Variants in TMEM132E observed in about 807,000 individuals in gnomAD.
TMEM132E encodes transmembrane protein 132E.
In TMEM132E, 49 loss-of-function variants were observed where a neutral mutation model predicts 78.5. That is an observed-to-expected ratio of 0.62 (90% confidence interval 0.50 to 0.79). The LOEUF (loss-of-function observed/expected upper bound fraction) is 0.79, where lower values mean the gene tolerates loss of function less well. Among genes scored for constraint, TMEM132E ranks in the 30% least tolerant of loss-of-function variants. The pLI is 0.00. For synonymous variants in TMEM132E, 715 were observed against 670.6 expected (o/e 1.07, Z -1.02); for missense variants, 1,403 against 1,470.9 (o/e 0.95, Z 0.75).
At chr17:34,585,619 A>G (rs988043423) in intron 1 of TMEM132E, among the ~76,000 whole-genome samples, 9 of 144,262 alleles carry the variant, frequency 6.2e-5, no homozygotes, top group African/African-American at 2.0e-4. Flanking sequence ...CAGAGCCCAA[A>G]TGGGGCTGTC....
At chr17:34,629,915 G>GA in intron 4 of TMEM132E, 93 bp from the exon 5 acceptor site, 1 of 1,226,720 alleles carries the variant, frequency 8.2e-7, no homozygotes, top group Non-Finnish European at 1.0e-6. Context: ...TCTGAGGAGT[G>GA]GGGGGGGAGC....
intron 2 of TMEM132E, among the ~76,000 whole-genome samples, chr17:34,627,936 A>G (rs765582410): frequency 6.6e-6 from 1 of 152,248 alleles, no homozygotes; most frequent in Non-Finnish European, 1.5e-5. Flanking sequence ...TTGCAGAATT[A>G]GAGAGGTGGC....
At chr17:34,635,960 G>T (rs531723087) in intron 7 of TMEM132E, 47 bp from the exon 8 acceptor site, 22 of 1,339,612 alleles carry the variant, frequency 1.6e-5, no homozygotes, top group Non-Finnish European at 1.9e-5. Flanking sequence ...TGGGCAGGGG[G>T]GTGTGCTTTC....
intron 1 of TMEM132E, among the ~76,000 whole-genome samples, chr17:34,585,741 A>G (rs960069275): frequency 6.6e-6 from 1 of 152,210 alleles, no homozygotes; most frequent in African/African-American, 2.4e-5. Flanking sequence ...AGCAGTCATG[A>G]TAATCAATTA....
At chr17:34,624,450 A>T (rs1327099361) in intron 1 of TMEM132E, among the ~76,000 whole-genome samples, 1 of 152,212 alleles carries the variant, frequency 6.6e-6, no homozygotes, top group African/African-American at 2.4e-5. Context: ...CCTTCAGAGA[A>T]GGACAAAGCT....
At chr17:34,601,572 G>T (rs190481634) in intron 1 of TMEM132E, among the ~76,000 whole-genome samples, 32 of 152,344 alleles carry the variant, frequency 2.1e-4, no homozygotes, top group Non-Finnish European at 3.8e-4. Flanking sequence ...GTGGGAGGGG[G>T]CTGTCCCTGA....
intron 1 of TMEM132E, among the ~76,000 whole-genome samples, chr17:34,591,108 C>T (rs767133227): frequency 1.3e-5 from 2 of 152,090 alleles, no homozygotes; most frequent in East Asian, 3.9e-4. Flanking sequence ...GGTGAGGAGC[C>T]CACAGCACGA....
rs568739436 is a variant in TMEM132E at position 34,630,867 on chromosome 17, A to G, written c.1482+716A>G. 2.0e-5 allele frequency among the ~76,000 whole-genome samples: 3 copies of G among 152,176 alleles called. No homozygotes were observed. In the South Asian group the frequency reaches 6.2e-4, roughly 32 times the overall value. On this transcript the variant is annotated intron_variant, in intron 5 of 8. Coordinates refer to ENST00000631683, the MANE Select transcript of TMEM132E (RefSeq NM_001304438.2). ...GCCCACATGACACTCATCTGACTCA[A>G]TGACCCAGTTTGCCACCTCCCCAAG... is the stretch of plus-strand genomic sequence containing the variant.
In TMEM132E at chr17:34,626,259, C is replaced by T. The variant is rs767556248; in HGVS notation, c.200C>T (p.Ala67Val). The T allele has an allele frequency of 1.2e-6, 2 of 1,602,984 alleles. No individual in the cohort carries two copies. Among genetic ancestry groups the T allele is most frequent in the Admixed American group, 3.4e-5 (2 of 58,814 alleles). ...FLREARPPSP[A>V]VANSSLQRSE... ...CGGGAGGCGCGGCCCCCGTCACCCG[C>T]GGTCGCCAACAGCTCTCTGCAGCGC... Residue 67 changes from alanine (A) to valine (V), a missense_variant, in exon 2 of 9, where the codon GCG becomes GTG. By Grantham distance (64) the Ala-to-Val change is moderately conservative (BLOSUM62 0). Transcript: ENST00000631683.
chr17:34,595,700 G>A (rs568926257), intron 1 of TMEM132E, among the ~76,000 whole-genome samples: 16 of 152,288 alleles, frequency 1.1e-4, no homozygotes, highest in Admixed American at 2.0e-4. Context: ...GTTAAGACCC[G>A]TGTGCCTGAC....
rs773733382 is a variant in TMEM132E, at chr17:34,630,014, G to C, written c.1345G>C (p.Glu449Gln). The C allele has an allele frequency of 3.1e-6, 5 of 1,608,866 alleles. No individual in the cohort carries two copies. In the South Asian group the frequency reaches 5.5e-5, roughly 18 times the overall value. Reference protein sequence around the residue: ...QAILPLAMDTEIINTAILTGR... With the variant: ...QAILPLAMDTQIINTAILTGR... ...CCCCTTCTCCTCCCTGCAGGACACA[G>C]AGATCATCAACACGGCCATTCTGAC... The change falls in exon 5 of 9, where the codon GAG becomes CAG. Residue 449 changes from glutamate to glutamine, a missense_variant. Glu to Gln is a conservative substitution (Grantham distance 29, BLOSUM62 2). Coordinates refer to ENST00000631683, the MANE Select transcript of TMEM132E (RefSeq NM_001304438.2).
At chr17:34,611,780 T>G (rs1189078018) in intron 1 of TMEM132E, among the ~76,000 whole-genome samples, 1 of 152,116 alleles carries the variant, frequency 6.6e-6, no homozygotes, top group African/African-American at 2.4e-5. Flanking sequence ...AAAGACTAAG[T>G]GTCTTGAATT....
At chr17:34,624,809 A>G (rs1189543427) in intron 1 of TMEM132E, among the ~76,000 whole-genome samples, 1 of 152,164 alleles carries the variant, frequency 6.6e-6, no homozygotes, top group Non-Finnish European at 1.5e-5. Flanking sequence ...TGATATACAC[A>G]CATTTGCATT....
At chr17:34,619,306 T>C (rs1483022079) in intron 1 of TMEM132E, among the ~76,000 whole-genome samples, 1 of 151,770 alleles carries the variant, frequency 6.6e-6, no homozygotes, top group Non-Finnish European at 1.5e-5. Flanking sequence ...GCCAACGTTA[T>C]GCTGCGCAAG....
chr17:34,620,910 G>C (rs1906939790), intron 1 of TMEM132E, among the ~76,000 whole-genome samples: 1 of 152,200 alleles, frequency 6.6e-6, no homozygotes, highest in South Asian at 2.1e-4. Flanking sequence ...TGCAGAGCTG[G>C]TGAAGCCACT....
chr17:34,608,058 G>C (rs1906472720), intron 1 of TMEM132E, among the ~76,000 whole-genome samples: 1 of 152,174 alleles, frequency 6.6e-6, no homozygotes, highest in Non-Finnish European at 1.5e-5. Context: ...TCAGGGAGTG[G>C]GGCTGAAGGT....
At chr17:34,610,747 C>T (rs113112518) in intron 1 of TMEM132E, among the ~76,000 whole-genome samples, 32 of 152,260 alleles carry the variant, frequency 2.1e-4, no homozygotes, top group African/African-American at 6.7e-4. Context: ...GAACAGGGAG[C>T]GGGAGCATAC....
At chr17:34,635,776 C>T (rs1340292816) in intron 7 of TMEM132E, 3 of 394,790 alleles carry the variant, frequency 7.6e-6, no homozygotes, top group Non-Finnish European at 1.3e-5. Flanking sequence ...TGGCCCACCT[C>T]TCTCATTTGT....
chr17:34,630,161 C>A lies in TMEM132E; in HGVS notation c.1482+10C>A. 4.4e-6 allele frequency: 7 copies of A among 1,605,782 alleles called. No homozygotes were observed. The highest frequency in any genetic ancestry group is 6.0e-6 in the Non-Finnish European group (7 of 1,173,384). On this transcript the variant is annotated intron_variant, in intron 5 of 8. Transcript: ENST00000631683. The stretch of plus-strand genomic sequence containing the variant: ...TGAAGACATCATCAAGGTGGGCATC[C>A]TGGAGGTGGGGCCCCTGGGGAAGAA...
Sources: gnomAD v4.1 joint callset for allele counts (sites outside exome capture counted in the v4.1 genomes callset) on GRCh38, gnomAD v4.1.1 for gene constraint, MANE v1.5 for transcripts, NCBI Gene and HGNC (gene_info 2026-07-23, HGNC 2026-07-21) for gene names.